The following TNR variants were observed in gnomAD, a reference collection of about 807,000 sequenced individuals.
TNR encodes tenascin-R.
TNR carries 45 observed loss-of-function variants against 150.4 expected under a neutral mutation model. The ratio of observed to expected loss-of-function variants is 0.30; its 90% confidence interval spans 0.24 to 0.38. TNR has a LOEUF of 0.38. Among genes scored for constraint, TNR ranks in the 10% least tolerant of loss-of-function variants. The probability of loss-of-function intolerance (pLI) is 1.00; values close to 1 mark genes in which losing one functional copy is unlikely to be tolerated. For synonymous variants in TNR, 687 were observed against 678.4 expected, an observed-to-expected ratio of 1.01 and a Z score of -0.20; for missense variants, 1,544 against 1,759.1, an observed-to-expected ratio of 0.88 and a Z score of 2.19.
intron 1 of TNR, among the ~76,000 whole-genome samples, chr1:175,677,100 T>C (rs192739676): frequency 2.6e-5 from 4 of 152,336 alleles, no homozygotes; most frequent in African/African-American, 7.2e-5. Flanking sequence ...GCTGGGCTAC[T>C]GTTCATTGGC....
At chr1:175,508,849 A>G (rs1005945422) in intron 2 of TNR, among the ~76,000 whole-genome samples, 4 of 152,164 alleles carry the variant, frequency 2.6e-5, no homozygotes, top group Non-Finnish European at 5.9e-5. Flanking sequence ...GTCATTTGTG[A>G]CTCAACAATA....
intron 2 of TNR, among the ~76,000 whole-genome samples, chr1:175,484,227 C>G (rs1272114460): frequency 6.6e-6 from 1 of 152,156 alleles, no homozygotes; most frequent in Non-Finnish European, 1.5e-5. Flanking sequence ...AATAATGAAA[C>G]TCTCCATTCC....
intron 2 of TNR, among the ~76,000 whole-genome samples, chr1:175,495,246 C>A (rs1341263728): frequency 2.6e-5 from 4 of 152,164 alleles, no homozygotes; most frequent in African/African-American, 7.2e-5. Context: ...GTGCAAAGAG[C>A]TACGGGAACC....
At chr1:175,566,676 A>G (rs1030081008) in intron 1 of TNR, among the ~76,000 whole-genome samples, 3 of 152,236 alleles carry the variant, frequency 2.0e-5, no homozygotes, top group African/African-American at 7.2e-5. Flanking sequence ...TTTGAGTGAC[A>G]CGAAGTCTCC....
chr1:175,329,310 TATA>T (rs1338256393), intron 21 of TNR, among the ~76,000 whole-genome samples: 8 of 152,234 alleles, frequency 5.3e-5, no homozygotes, highest in Non-Finnish European at 1.2e-4. Context: ...TGAAATGTGT[TATA>T]ATAGAACATG....
chr1:175,327,322 G>T (rs1476822632), intron 21 of TNR, among the ~76,000 whole-genome samples: 2 of 152,032 alleles, frequency 1.3e-5, no homozygotes, highest in Non-Finnish European at 2.9e-5. Flanking sequence ...TTAAGTCCTG[G>T]TTTCTGTCTC....
intron 1 of TNR, among the ~76,000 whole-genome samples, chr1:175,712,199 T>A (rs1667037026): frequency 6.6e-6 from 1 of 152,170 alleles, no homozygotes; most frequent in East Asian, 1.9e-4. Flanking sequence ...GAATTCTCAT[T>A]TTCACAGATG....
In TNR at chr1:175,462,287, G is replaced by T. The variant is rs1156743177; in HGVS notation, c.-63-55510C>A. The stretch of plus-strand genomic sequence containing the variant: ...ACAAGGATGGGTTTGATTTGATGCC[G>T]ACTCTAATGAAAACACAGAAGCAAC... On this transcript the variant is annotated intron_variant, in intron 2 of 22. Transcript: ENST00000367674. 1.3e-5 allele frequency among the ~76,000 whole-genome samples: 2 copies of T among 152,170 alleles called. 1 individual carries two copies. The highest frequency in any genetic ancestry group is 2.9e-5 in the Non-Finnish European group (2 of 68,038).
Position 175,406,244 on chromosome 1 carries a change from G to T in TNR, c.471C>A (p.Ala157=), listed in dbSNP as rs745666263. The T allele has an allele frequency of 6.8e-6, 11 of 1,613,976 alleles. No homozygotes were observed. The South Asian group carries it at 1.2e-4, about 18-fold the overall frequency. Residue 157 remains alanine (A), a synonymous_variant, in exon 3 of 23, where the codon GCC becomes GCA. Coordinates refer to ENST00000367674, the MANE Select transcript of TNR (RefSeq NM_003285.3). ...TGGCAGCACTTTCTTGGCAGCAGTT[G>T]GCGTTGCACTGGTCTCGCAGCACCG... ...EVSVLRDQCN[A]NCCQESAATG...
chr1:175,392,532 A>C, intron 6 of TNR, among the ~76,000 whole-genome samples: 1 of 152,206 alleles, frequency 6.6e-6, no homozygotes, highest in East Asian at 1.9e-4. Context: ...CTTCCTGAAA[A>C]ACATTGGTAG....
intron 1 of TNR, among the ~76,000 whole-genome samples, chr1:175,606,746 G>A (rs746762374): frequency 4.6e-5 from 7 of 152,116 alleles, no homozygotes; most frequent in Non-Finnish European, 8.8e-5. Context: ...TCTGAGGATA[G>A]CCCTCGACCA....
In TNR at chr1:175,323,369, G is replaced by A. The variant is rs755399531; in HGVS notation, c.4065C>T (p.Ser1355=). The A allele has an allele frequency of 1.2e-6, 2 of 1,614,104 alleles. No individual in the cohort carries two copies. Among genetic ancestry groups the A allele is most frequent in the Non-Finnish European group, 1.7e-6 (2 of 1,179,990 alleles). The change falls in exon 23 of 23, where the codon TCC becomes TCT. Residue 1355 remains serine (S), a synonymous_variant. Coordinates refer to ENST00000367674, the MANE Select transcript of TNR (RefSeq NM_003285.3). ...HRLMAGRKRQ[S]LQF ...AGCCGCCCACTGCTCAGAACTGTAAGGACTGCCGTTTTCTCCCTGCCATGA... is the reference window on the plus strand; with the variant it reads ...AGCCGCCCACTGCTCAGAACTGTAAAGACTGCCGTTTTCTCCCTGCCATGA...
At position 175,702,179 on chromosome 1, in the gene TNR, T is replaced by C. The variant is rs1415579557; in HGVS notation, c.-165+41047A>G. On this transcript the variant is annotated intron_variant, in intron 1 of 22. Coordinates refer to ENST00000367674, the MANE Select transcript of TNR (RefSeq NM_003285.3). Reference sequence around the variant, plus strand: ...TGGTTATTGTATCTTCCATGTGTGCTAAATGACCACACACTGGGACCCCGC... The same window carrying C: ...TGGTTATTGTATCTTCCATGTGTGCCAAATGACCACACACTGGGACCCCGC... Among the ~76,000 whole-genome samples the C allele has an allele frequency of 2.6e-5, 4 of 152,224 alleles. No homozygotes were observed. In the East Asian group the frequency reaches 7.7e-4, roughly 29 times the overall value.
chr1:175,542,583 C>T (rs1660546589), intron 1 of TNR, among the ~76,000 whole-genome samples: 1 of 152,238 alleles, frequency 6.6e-6, no homozygotes, highest in Admixed American at 6.5e-5. Flanking sequence ...TTCCCACCCA[C>T]ACCTCCAAGC....
intron 2 of TNR, among the ~76,000 whole-genome samples, chr1:175,442,032 T>C (rs1177627665): frequency 6.6e-6 from 1 of 152,112 alleles, no homozygotes; most frequent in East Asian, 1.9e-4. Flanking sequence ...CTGGCATCTG[T>C]TGGATGATGG....
chr1:175,524,196 T>C (rs1341278366), intron 2 of TNR, among the ~76,000 whole-genome samples: 2 of 151,982 alleles, frequency 1.3e-5, no homozygotes, highest in African/African-American at 2.4e-5. Flanking sequence ...CTTGTAAGAG[T>C]GTGTCCTCCT....
chr1:175,552,253 G>C (rs911617506), intron 1 of TNR, among the ~76,000 whole-genome samples: 1 of 152,204 alleles, frequency 6.6e-6, no homozygotes, highest in African/African-American at 2.4e-5. Flanking sequence ...GTAGGGGTGG[G>C]AGGTGGAAAA....
At chr1:175,678,594 T>C (rs1187676184) in intron 1 of TNR, among the ~76,000 whole-genome samples, 1 of 152,160 alleles carries the variant, frequency 6.6e-6, no homozygotes, top group Non-Finnish European at 1.5e-5. Context: ...ATATCCTTCC[T>C]CTGACTCAGA....
At chr1:175,373,342 A>C (rs1652193108) in intron 9 of TNR, among the ~76,000 whole-genome samples, 1 of 152,086 alleles carries the variant, frequency 6.6e-6, no homozygotes. Flanking sequence ...ATATGTGGAG[A>C]ATATCTTTGG....
Sources: gnomAD v4.1 joint callset for allele counts (sites outside exome capture counted in the v4.1 genomes callset) on GRCh38, gnomAD v4.1.1 for gene constraint, MANE v1.5 for transcripts, NCBI Gene and HGNC (gene_info 2026-07-23, HGNC 2026-07-21) for gene names.